The following PRKCE variants were observed in gnomAD, a reference collection of about 807,000 sequenced individuals.
PRKCE encodes protein kinase C epsilon, also known as protein kinase C epsilon type.
PRKCE carries 16 observed loss-of-function variants against 85.4 expected under a neutral mutation model. The ratio of observed to expected loss-of-function variants is 0.19; its 90% confidence interval spans 0.13 to 0.28. The LOEUF (loss-of-function observed/expected upper bound fraction) is 0.28. Among genes scored for constraint, PRKCE ranks in the 10% least tolerant of loss-of-function variants. The pLI, the probability that PRKCE is intolerant of heterozygous loss-of-function variation, is 1.00. For missense variants in PRKCE, 573 were observed against 975.2 expected, an observed-to-expected ratio of 0.59 and a Z score of 5.49; for synonymous variants, 388 against 371.5, an observed-to-expected ratio of 1.04 and a Z score of -0.51.
intron 10 of PRKCE, among the ~76,000 whole-genome samples, chr2:46,067,366 C>T (rs1667709877): frequency 6.6e-6 from 1 of 152,190 alleles, no homozygotes; most frequent in African/African-American, 2.4e-5. Context: ...TTCAGAGTCA[C>T]AATAAACAGC....
chr2:45,959,415 C>A (rs539349809), intron 2 of PRKCE, among the ~76,000 whole-genome samples: 1 of 152,180 alleles, frequency 6.6e-6, no homozygotes, highest in East Asian at 1.9e-4. Context: ...GAGAGTTGAA[C>A]CTTTTACTTC....
chr2:45,675,972 C>A (rs966919701), intron 1 of PRKCE: 5 of 152,220 alleles, frequency 3.3e-5, no homozygotes, highest in African/African-American at 9.7e-5. Flanking sequence ...TTTATTCAAG[C>A]AGCACCGGTA....
rs1287523738 is a variant in PRKCE at position 45,727,491 on chromosome 2, G to C, written c.348+75043G>C. On this transcript the variant is annotated intron_variant, in intron 1 of 14. Transcript: ENST00000306156. ...AAGAGGATTTGGACTAGGAGGGAGGGCATTCCAGGTAGCTTAGAGGATTTG... is the reference window on the plus strand; with the variant it reads ...AAGAGGATTTGGACTAGGAGGGAGGCCATTCCAGGTAGCTTAGAGGATTTG... 2.0e-5 allele frequency among the ~76,000 whole-genome samples: 3 copies of C among 152,240 alleles called. No homozygotes were observed. The East Asian group carries it at 5.8e-4, about 29-fold the overall frequency.
At chr2:45,756,111 C>T (rs1191289303) in intron 1 of PRKCE, among the ~76,000 whole-genome samples, 1 of 152,172 alleles carries the variant, frequency 6.6e-6, no homozygotes, top group South Asian at 2.1e-4. Context: ...AGAGTGGCTA[C>T]AGAATTCTTA....
At chr2:45,962,348 A>T (rs187927796) in intron 2 of PRKCE, among the ~76,000 whole-genome samples, 2 of 152,354 alleles carry the variant, frequency 1.3e-5, no homozygotes, top group African/African-American at 4.8e-5. Flanking sequence ...CTAGACAAAG[A>T]TAACTCACTC....
At chr2:45,935,063 T>TCACACACACA (rs747014186) in intron 2 of PRKCE, among the ~76,000 whole-genome samples, 22 of 92,390 alleles carry the variant, frequency 2.4e-4, no homozygotes, top group Non-Finnish European at 4.5e-4. Context: ...ACTCACTCTC[T>TCACACACACA]CTCTCACACA....
intron 11 of PRKCE, among the ~76,000 whole-genome samples, chr2:46,126,511 C>A (rs921072627): frequency 6.6e-6 from 1 of 151,986 alleles, no homozygotes; most frequent in East Asian, 1.9e-4. Flanking sequence ...AAGGCATTGG[C>A]GGATGCTGTT....
intron 2 of PRKCE, among the ~76,000 whole-genome samples, chr2:45,952,509 C>T (rs902553293): frequency 4.6e-5 from 7 of 152,142 alleles, no homozygotes; most frequent in African/African-American, 1.7e-4. Flanking sequence ...ACTTCAGGCT[C>T]CCTTGTTAAC....
intron 10 of PRKCE, among the ~76,000 whole-genome samples, chr2:46,071,898 C>T (rs1190390732): frequency 1.3e-5 from 2 of 152,234 alleles, no homozygotes; most frequent in African/African-American, 4.8e-5. Context: ...TTGTTCCACT[C>T]CTACAGCTAC....
chr2:45,740,087 C>A (rs1177817924), intron 1 of PRKCE, among the ~76,000 whole-genome samples: 1 of 148,640 alleles, frequency 6.7e-6, no homozygotes, highest in African/African-American at 2.5e-5. Flanking sequence ...GAGGCTGAGG[C>A]TGGGGGATCA....
At chr2:46,158,215 G>T (rs749431154) in intron 13 of PRKCE, among the ~76,000 whole-genome samples, 3 of 152,218 alleles carry the variant, frequency 2.0e-5, no homozygotes, top group Non-Finnish European at 4.4e-5. Flanking sequence ...ATCAACAGAG[G>T]AGGGAATGTG....
intron 1 of PRKCE, among the ~76,000 whole-genome samples, chr2:45,746,999 T>C (rs1286313789): frequency 1.3e-5 from 2 of 152,190 alleles, no homozygotes; most frequent in Non-Finnish European, 2.9e-5. Flanking sequence ...ACTGTGCAAC[T>C]GAACTGATGA....
At chr2:46,176,191 GA>G (rs1222262788) in intron 14 of PRKCE, among the ~76,000 whole-genome samples, 1 of 152,152 alleles carries the variant, frequency 6.6e-6, no homozygotes, top group African/African-American at 2.4e-5. Flanking sequence ...AGAGGAAATT[GA>G]AACCCAAGAG....
At chr2:45,978,695 C>T in intron 3 of PRKCE, 1 of 324,256 alleles carries the variant, frequency 3.1e-6, no homozygotes, top group Non-Finnish European at 5.7e-6. Context: ...TTGTGGCTTT[C>T]CAGAACATTG....
chr2:45,907,858 C>T lies in PRKCE; in HGVS notation c.412+64795C>T, dbSNP rs115356264. On this transcript the variant is annotated intron_variant, in intron 2 of 14. Coordinates refer to ENST00000306156, the MANE Select transcript of PRKCE (RefSeq NM_005400.3). This position sits in a 1 kb window ranked among gnomAD's most constrained non-coding sequence, Gnocchi z 4.5. ...CATCCTCTGAGCTAATAATACTTGC[C>T]GAGTGCTGAGAACAGTGCCTGGTAT... 1.3e-4 allele frequency among the ~76,000 whole-genome samples: 20 copies of T among 152,260 alleles called. No individual in the cohort carries two copies. Among genetic ancestry groups the T allele is most frequent in the African/African-American group, 3.9e-4 (16 of 41,540 alleles).
intron 1 of PRKCE, among the ~76,000 whole-genome samples, chr2:45,784,627 G>A (rs1686452227): frequency 6.6e-6 from 1 of 152,092 alleles, no homozygotes; most frequent in South Asian, 2.1e-4. Flanking sequence ...GCATCTCCTA[G>A]CTTTTTGTTT....
chr2:45,879,496 A>G (rs1009907455), intron 2 of PRKCE, among the ~76,000 whole-genome samples: 1 of 152,180 alleles, frequency 6.6e-6, no homozygotes, highest in Non-Finnish European at 1.5e-5. Flanking sequence ...GCTATTAAAC[A>G]CTTAAGCTGT....
Position 46,177,967 on chromosome 2 carries a change from T to TA in PRKCE, c.2068-6759dup, listed in dbSNP as rs369164937. On this transcript the variant is annotated intron_variant, in intron 14 of 14. Coordinates refer to ENST00000306156, the MANE Select transcript of PRKCE (RefSeq NM_005400.3). ...CTGGCCACTACCAAGGATATGGATT[T>TA]AAAAAAAAATGGCTGGGCATGGTGG... Among the ~76,000 whole-genome samples, 171 of 151,340 alleles carry TA rather than the reference T, an allele frequency of 1.1e-3. 2 individuals carry two copies. The highest frequency in any genetic ancestry group is 4.0e-3 in the African/African-American group (167 of 41,306).
intron 12 of PRKCE, among the ~76,000 whole-genome samples, chr2:46,147,985 A>C (rs1676251910): frequency 6.6e-6 from 1 of 152,222 alleles, no homozygotes; most frequent in South Asian, 2.1e-4. Flanking sequence ...AGATTAGAGC[A>C]TGGAAATGCT....
Sources: gnomAD v4.1 joint callset for allele counts (sites outside exome capture counted in the v4.1 genomes callset) on GRCh38, gnomAD v4.1.1 for gene constraint, Gnocchi (gnomAD v3.1) non-coding constraint, MANE v1.5 for transcripts, NCBI Gene and HGNC (gene_info 2026-07-23, HGNC 2026-07-21) for gene names.